Variants in GSTA2 observed in about 807,000 individuals in gnomAD.
GSTA2 encodes glutathione S-transferase A2.
In GSTA2, 27 loss-of-function variants were observed where a neutral mutation model predicts 22.4. That is an observed-to-expected ratio of 1.21 (90% CI 0.89 to 1.67). The LOEUF (loss-of-function observed/expected upper bound fraction) is 1.67, where lower values mean the gene tolerates loss of function less well. GSTA2 is among the 40% of genes most tolerant of loss of function. The pLI, the probability that GSTA2 is intolerant of heterozygous loss-of-function variation, is 0.00. For missense variants in GSTA2, 302 were observed against 260.2 expected (o/e 1.16, Z -1.11); for synonymous variants, 121 against 86.8 (o/e 1.39, Z -2.19).
intron 1 of GSTA2, among the ~76,000 whole-genome samples, chr6:52,762,170 G>A (rs996746542): frequency 2.0e-5 from 3 of 152,182 alleles, no homozygotes; most frequent in Non-Finnish European, 4.4e-5. Context: ...TATTGTCCAA[G>A]GTTTCTCCCC....
At chr6:52,753,941 A>C (rs1762792778) in intron 4 of GSTA2, among the ~76,000 whole-genome samples, 1 of 152,212 alleles carries the variant, frequency 6.6e-6, no homozygotes, top group East Asian at 1.9e-4. Flanking sequence ...ATGGATTTGA[A>C]TATCTGGACA....
At chr6:52,754,736 C>T (rs1213666034) in intron 4 of GSTA2, among the ~76,000 whole-genome samples, 1 of 152,112 alleles carries the variant, frequency 6.6e-6, no homozygotes, top group African/African-American at 2.4e-5. Context: ...GGACTGCATC[C>T]TCTTCTAGAA....
In GSTA2 at chr6:52,751,627, A is replaced by G; in HGVS notation, c.496T>C (p.Tyr166His). The stretch of plus-strand genomic sequence containing the variant: ...AGGCTAGAGTCAAGCTCTTCCACGT[A>G]GTAGAGAAGTTCCACCAGGTGAATG... ...ADIHLVELLYYVEELDSSLIS... is the reference protein window; with the variant it reads ...ADIHLVELLYHVEELDSSLIS... Residue 166 changes from tyrosine to histidine, a missense_variant, in exon 6 of 7, where the codon TAC becomes CAC. Coordinates refer to ENST00000493422, the MANE Select transcript of GSTA2 (RefSeq NM_000846.5). The G allele has an allele frequency of 6.2e-7, 1 of 1,614,178 alleles. No homozygotes were observed. Among genetic ancestry groups the G allele is most frequent in the Non-Finnish European group, 8.5e-7 (1 of 1,180,010 alleles).
At chr6:52,750,850 A>C in intron 6 of GSTA2, 151 bp from the exon 7 acceptor site, 3 of 887,978 alleles carry the variant, frequency 3.4e-6, no homozygotes, top group Non-Finnish European at 5.1e-6. Flanking sequence ...CCAGTGAGAA[A>C]GGAAGATAAG....
At position 52,759,563 on chromosome 6, in the gene GSTA2, G is replaced by GTTT. The variant is rs70977382; in HGVS notation, c.-30-1589_-30-1587dup. Among the ~76,000 whole-genome samples, 31 of 34,192 alleles carry GTTT rather than the reference G, an allele frequency of 9.1e-4. 10 individuals carry two copies. The highest frequency in any genetic ancestry group is 1.7e-3 in the Non-Finnish European group (28 of 16,550). 22.4% of individuals were successfully genotyped at this position (34,192 alleles called of 152,430 possible). ...CCTTTAACAACTAATGTATTTATTT[G>GTTT]TTTTTTTTTTTTTTTTTTTTTTTTT... On this transcript the variant is annotated intron_variant, in intron 1 of 6. Transcript: ENST00000493422.
intron 1 of GSTA2, among the ~76,000 whole-genome samples, chr6:52,760,228 C>G (rs1762929850): frequency 6.6e-6 from 1 of 152,174 alleles, no homozygotes; most frequent in African/African-American, 2.4e-5. Context: ...AAAATAAACT[C>G]TCTTAGCCAT....
intron 3 of GSTA2, 142 bp from the exon 4 acceptor site, chr6:52,755,217 T>TTTC: frequency 1.5e-5 from 11 of 715,890 alleles, no homozygotes; most frequent in African/African-American, 1.4e-4. Flanking sequence ...TGAAACAACT[T>TTTC]TTTTTTTTTT....
At chr6:52,754,059 C>T (rs957612485) in intron 4 of GSTA2, among the ~76,000 whole-genome samples, 1 of 152,228 alleles carries the variant, frequency 6.6e-6, no homozygotes, top group African/African-American at 2.4e-5. Flanking sequence ...GTACTTCATT[C>T]CTTTTCATGA....
At chr6:52,753,884 C>T (rs527740790) in intron 4 of GSTA2, among the ~76,000 whole-genome samples, 1 of 152,300 alleles carries the variant, frequency 6.6e-6, no homozygotes, top group Non-Finnish European at 1.5e-5. Flanking sequence ...TTTCTCCAAG[C>T]CCCACTCCTT....
chr6:52,751,289 A>G (rs906764748), intron 6 of GSTA2, among the ~76,000 whole-genome samples: 3 of 152,206 alleles, frequency 2.0e-5, no homozygotes, highest in African/African-American at 7.2e-5. Context: ...TCAGGAACAG[A>G]AACCACACTG....
intron 5 of GSTA2, among the ~76,000 whole-genome samples, chr6:52,752,118 C>T (rs565573909): frequency 6.8e-4 from 104 of 152,302 alleles, no homozygotes; most frequent in Non-Finnish European, 1.3e-3. Flanking sequence ...ACTCCACCAT[C>T]GTGACAACAC....
At position 52,754,925 on chromosome 6, in the gene GSTA2, A is replaced by G. The variant is rs1233973171; in HGVS notation, c.272+18T>C. Reference sequence around the variant, plus strand: ...CTCTATGTTCTCTGTGGATGGAAGAACAGAAAATATACCGTACAGGGCTTT... The same window carrying G: ...CTCTATGTTCTCTGTGGATGGAAGAGCAGAAAATATACCGTACAGGGCTTT... On this transcript the variant is annotated intron_variant, in intron 4 of 6. Coordinates refer to ENST00000493422, the MANE Select transcript of GSTA2 (RefSeq NM_000846.5). 6.2e-7 allele frequency: 1 copy of G among 1,612,484 alleles called. No homozygotes were observed. The highest frequency in any genetic ancestry group is 1.1e-5 in the South Asian group (1 of 90,972).
chr6:52,759,735 C>A (rs1762922447), intron 1 of GSTA2, among the ~76,000 whole-genome samples: 1 of 151,630 alleles, frequency 6.6e-6, no homozygotes, highest in Non-Finnish European at 1.5e-5. Flanking sequence ...CAGGCACATG[C>A]CAGCACACCT....
At chr6:52,753,443 C>A (rs1390267409) in intron 4 of GSTA2, among the ~76,000 whole-genome samples, 2 of 152,166 alleles carry the variant, frequency 1.3e-5, no homozygotes, top group East Asian at 1.9e-4. Context: ...CCTGGCACAG[C>A]CATCTCAGCC....
chr6:52,755,852 C>T (rs1473766137), intron 3 of GSTA2, among the ~76,000 whole-genome samples: 9 of 151,928 alleles, frequency 5.9e-5, no homozygotes, highest in Non-Finnish European at 1.3e-4. Context: ...CCCAGTCCCA[C>T]TCCCCCCATG....
intron 1 of GSTA2, among the ~76,000 whole-genome samples, chr6:52,759,563 GTTTT>G (rs70977382): frequency 2.9e-5 from 1 of 34,164 alleles, no homozygotes; most frequent in Non-Finnish European, 6.0e-5. Flanking sequence ...GTATTTATTT[GTTTT>G]TTTTTTTTTT....
At chr6:52,758,660 T>G (rs750763741) in intron 1 of GSTA2, among the ~76,000 whole-genome samples, 10 of 152,218 alleles carry the variant, frequency 6.6e-5, no homozygotes, top group Non-Finnish European at 1.3e-4. Context: ...CAGACTTGTT[T>G]AACTGTAGCT....
At chr6:52,762,557 C>A (rs1762968999) in intron 1 of GSTA2, among the ~76,000 whole-genome samples, 1 of 152,184 alleles carries the variant, frequency 6.6e-6, no homozygotes, top group Non-Finnish European at 1.5e-5. Context: ...CTGACCCTCT[C>A]CCCACTATTA....
intron 4 of GSTA2, among the ~76,000 whole-genome samples, chr6:52,754,580 ACT>A: frequency 6.6e-6 from 1 of 151,872 alleles, no homozygotes; most frequent in Admixed American, 6.6e-5. Context: ...TCATCTACAG[ACT>A]CTCACATATT....
Sources: allele counts gnomAD v4.1 joint callset (sites outside exome capture counted in the v4.1 genomes callset), GRCh38; gene constraint gnomAD v4.1.1; transcripts MANE v1.5; gene names NCBI Gene and HGNC (gene_info 2026-07-23, HGNC 2026-07-21).